GRIK1: variants seen among roughly 807,000 people sequenced by gnomAD.
GRIK1 encodes glutamate receptor ionotropic, kainate 1.
A neutral mutation model predicts 105.7 loss-of-function variants in GRIK1; 69 were observed. The ratio of observed to expected loss-of-function variants is 0.65; its 90% CI spans 0.54 to 0.80. The LOEUF (loss-of-function observed/expected upper bound fraction) is 0.80, where lower values mean the gene tolerates loss of function less well. Ranked by LOEUF, GRIK1 falls within the 30% of genes least tolerant of loss-of-function variation. GRIK1 has a pLI of 0.00. For synonymous variants in GRIK1, 438 were observed against 431.3 expected (o/e 1.02, Z -0.19); for missense variants, 1,109 against 1,167.3 (o/e 0.95, Z 0.73).
chr21:29,880,753 G>C (rs1407400777), intron 1 of GRIK1, among the ~76,000 whole-genome samples: 3 of 152,142 alleles, frequency 2.0e-5, no homozygotes, highest in African/African-American at 7.2e-5. Flanking sequence ...TCAGGACAAT[G>C]CTGCAGGCTC....
At chr21:29,706,936 C>G (rs1040080089) in intron 1 of GRIK1, among the ~76,000 whole-genome samples, 5 of 152,124 alleles carry the variant, frequency 3.3e-5, no homozygotes, top group Non-Finnish European at 7.4e-5. Context: ...GAGATCTCAG[C>G]TCACTGCAAG....
chr21:29,932,097 T>C (rs552441745), intron 1 of GRIK1, among the ~76,000 whole-genome samples: 4 of 152,330 alleles, frequency 2.6e-5, no homozygotes, highest in Admixed American at 2.6e-4. Context: ...ATACAGTTGA[T>C]AGGCTGTTGT....
At chr21:29,688,585 CTA>C (rs1173096376) in intron 3 of GRIK1, among the ~76,000 whole-genome samples, 8 of 152,150 alleles carry the variant, frequency 5.3e-5, no homozygotes, top group African/African-American at 1.9e-4. Flanking sequence ...ACTGTTTCCT[CTA>C]TGTCAGGTTT....
At chr21:29,840,761 C>T (rs796722651) in intron 1 of GRIK1, among the ~76,000 whole-genome samples, 8 of 152,194 alleles carry the variant, frequency 5.3e-5, no homozygotes, top group African/African-American at 1.9e-4. Flanking sequence ...GAAATATCAA[C>T]ATAACTCTCA....
At chr21:29,821,633 G>A (rs2067310839) in intron 1 of GRIK1, among the ~76,000 whole-genome samples, 1 of 152,022 alleles carries the variant, frequency 6.6e-6, no homozygotes, top group African/African-American at 2.4e-5. Flanking sequence ...GCAATAGGAA[G>A]GAGGTGGCTA....
chr21:29,578,919 T>C (rs1025581740), intron 13 of GRIK1, among the ~76,000 whole-genome samples: 4 of 152,176 alleles, frequency 2.6e-5, no homozygotes, highest in Admixed American at 2.6e-4. Flanking sequence ...TAACAATTAA[T>C]AGATATATTT....
At chr21:29,914,632 C>G (rs1220147953) in intron 1 of GRIK1, among the ~76,000 whole-genome samples, 4 of 152,092 alleles carry the variant, frequency 2.6e-5, no homozygotes, top group African/African-American at 9.7e-5. Context: ...CATTTCTCTT[C>G]CCCCATCTCC....
chr21:29,554,285 A>G (rs2090193332), intron 16 of GRIK1, among the ~76,000 whole-genome samples: 2 of 152,222 alleles, frequency 1.3e-5, no homozygotes, highest in Non-Finnish European at 2.9e-5. Flanking sequence ...CTGATTCACT[A>G]TGATGACCAT....
rs369037891 is a variant in GRIK1 at position 29,555,179 on chromosome 21, G to A, written c.2480C>T (p.Ala827Val). 4 of 1,613,832 alleles carry A rather than the reference G, an allele frequency of 2.5e-6. No homozygotes were observed. In the African/African-American group the frequency reaches 4.0e-5, roughly 16 times the overall value. Residue 827 changes from alanine (A) to valine (V), a missense_variant, in exon 16 of 18, where the codon GCC becomes GTC. Physicochemically the swap from Ala to Val is moderately conservative, Grantham distance 64. Around this residue, in one of 5 missense-constraint regions of GRIK1, gnomAD observed 161 missense variants for 143.4 expected, o/e 1.12. Transcript: ENST00000327783. ...NGCPEEDNKEASALGVENIGG... is the reference protein window; with the variant it reads ...NGCPEEDNKEVSALGVENIGG... ...AATATTTTCCACTCCCAGGGCACTG[G>A]CTTCTTTGTTGTCTTCCTCGGGGCA...
intron 1 of GRIK1, among the ~76,000 whole-genome samples, chr21:29,749,665 G>T (rs187546651): frequency 1.3e-5 from 2 of 152,232 alleles, no homozygotes; most frequent in East Asian, 3.9e-4. Context: ...ATTTGACCGA[G>T]GATTATTTCT....
intron 1 of GRIK1, among the ~76,000 whole-genome samples, chr21:29,716,381 C>A (rs1048900605): frequency 6.6e-6 from 1 of 152,040 alleles, no homozygotes; most frequent in East Asian, 1.9e-4. Flanking sequence ...GCTTAGAAAA[C>A]AACAGGAAAA....
At chr21:29,757,192 C>G (rs1285561101) in intron 1 of GRIK1, among the ~76,000 whole-genome samples, 1 of 151,504 alleles carries the variant, frequency 6.6e-6, no homozygotes, top group Non-Finnish European at 1.5e-5. Context: ...TGTATATTTC[C>G]CAACCAGGGA....
At chr21:29,859,233 G>A (rs1008371804) in intron 1 of GRIK1, among the ~76,000 whole-genome samples, 15 of 151,174 alleles carry the variant, frequency 9.9e-5, no homozygotes, top group African/African-American at 3.6e-4. Context: ...GAGGAGGGAG[G>A]GATAGCATTA....
intron 1 of GRIK1, among the ~76,000 whole-genome samples, chr21:29,755,858 T>A (rs2065323702): frequency 6.6e-6 from 1 of 152,188 alleles, no homozygotes; most frequent in African/African-American, 2.4e-5. Context: ...CAAAAACCTG[T>A]CATGAATTGA....
chr21:29,579,547 A>G (rs186236519), intron 13 of GRIK1, among the ~76,000 whole-genome samples: 19 of 152,344 alleles, frequency 1.2e-4, no homozygotes, highest in Admixed American at 2.6e-4. Context: ...TTTAAAAAAA[A>G]TTCAACAAAA....
chr21:29,618,500 G>T, intron 7 of GRIK1, among the ~76,000 whole-genome samples: 1 of 152,110 alleles, frequency 6.6e-6, no homozygotes, highest in South Asian at 2.1e-4. Flanking sequence ...CCAGCAAGCC[G>T]ACTACTGTAT....
intron 1 of GRIK1, among the ~76,000 whole-genome samples, chr21:29,873,575 T>C (rs2069092543): frequency 6.6e-6 from 1 of 152,204 alleles, no homozygotes; most frequent in Non-Finnish European, 1.5e-5. Context: ...AAATGTTAGC[T>C]CTTTTATGAT....
intron 2 of GRIK1, among the ~76,000 whole-genome samples, chr21:29,691,318 A>C (rs1287437285): frequency 1.3e-5 from 2 of 152,232 alleles, no homozygotes; most frequent in Admixed American, 1.3e-4. Flanking sequence ...TTCAAAAAGC[A>C]AACAAACAAA....
intron 1 of GRIK1, among the ~76,000 whole-genome samples, chr21:29,907,906 A>T (rs1382093680): frequency 6.6e-6 from 1 of 152,186 alleles, no homozygotes; most frequent in Non-Finnish European, 1.5e-5. Context: ...AAATTAATAC[A>T]GAGCTACAAT....
Sources: allele counts gnomAD v4.1 joint callset (sites outside exome capture counted in the v4.1 genomes callset), GRCh38; gene constraint gnomAD v4.1.1; regional missense constraint gnomAD v4.1.1; transcripts MANE v1.5; gene names NCBI Gene and HGNC (gene_info 2026-07-23, HGNC 2026-07-21).